Variants in WDCP observed in about 807,000 individuals in gnomAD.
The protein encoded by WDCP is WD repeat and coiled coil containing.
A neutral mutation model predicts 41.6 loss-of-function variants in WDCP; 19 were observed. The ratio of observed to expected loss-of-function variants is 0.46; its 90% CI spans 0.32 to 0.67. WDCP has a LOEUF of 0.67. WDCP is among the 30% of genes least tolerant of loss of function. The probability of loss-of-function intolerance (pLI) is 0.04; values close to 1 mark genes in which losing one functional copy is unlikely to be tolerated. For synonymous variants in WDCP, 302 were observed against 320.8 expected (o/e 0.94, Z 0.63); for missense variants, 802 against 850.7 (o/e 0.94, Z 0.71).
intron 3 of WDCP, among the ~76,000 whole-genome samples, chr2:24,031,770 G>T (rs1329909922): frequency 1.1e-4 from 16 of 151,532 alleles, no homozygotes; most frequent in Middle Eastern, 3.2e-3. Flanking sequence ...AGGTTGCAGT[G>T]AGCCGAGATC....
chr2:24,035,570 G>A (rs1424538326), intron 2 of WDCP, among the ~76,000 whole-genome samples: 1 of 151,824 alleles, frequency 6.6e-6, no homozygotes, highest in Non-Finnish European at 1.5e-5. Context: ...GTCATAGTAG[G>A]AAAGAAATCC....
At chr2:24,044,767 T>C (rs1238976654) in intron 1 of WDCP, among the ~76,000 whole-genome samples, 2 of 149,210 alleles carry the variant, frequency 1.3e-5, no homozygotes, top group African/African-American at 5.0e-5. Context: ...TACCAGTCTC[T>C]ACTTTCCAAA....
At chr2:24,040,189 T>C (rs1663384921) in intron 1 of WDCP, among the ~76,000 whole-genome samples, 2 of 152,162 alleles carry the variant, frequency 1.3e-5, no homozygotes, top group Admixed American at 6.6e-5. Context: ...TTGAAGCACT[T>C]GGGGTAAAAT....
chr2:24,029,737 G>T lies in WDCP; in HGVS notation c.*1196C>A, dbSNP rs1285471330. The T allele has an allele frequency of 6.6e-6, 1 of 152,216 alleles. No homozygotes were observed. The highest frequency in any genetic ancestry group is 2.4e-5 in the African/African-American group (1 of 41,454). The allele number at this position is 152,216 out of a possible 1,614,324, so 9.4% of individuals were successfully genotyped here. Reference sequence around the variant, plus strand: ...TCCAGATGATTTTAAAGGAAGGGGGGAAAAGGAAGCATATGTGCTAATGGA... The same window carrying T: ...TCCAGATGATTTTAAAGGAAGGGGGTAAAAGGAAGCATATGTGCTAATGGA... On this transcript the variant is annotated 3_prime_UTR_variant, in exon 4 of 4. Transcript: ENST00000295148.
At chr2:24,033,046 A>G in intron 2 of WDCP, 100 bp from the exon 3 acceptor site, 1 of 782,202 alleles carries the variant, frequency 1.3e-6, no homozygotes, top group South Asian at 1.5e-5. Context: ...AAAAATTCTT[A>G]TCTATTACCA....
At position 24,030,767 on chromosome 2, in the gene WDCP, C is replaced by G. The variant is rs926141760; in HGVS notation, c.*166G>C. The G allele has an allele frequency of 2.5e-5, 15 of 611,724 alleles. No individual in the cohort carries two copies. The highest frequency in any genetic ancestry group is 4.4e-5 in the Non-Finnish European group (15 of 339,182). 37.9% of individuals were successfully genotyped at this position (611,724 alleles called of 1,614,324 possible). On this transcript the variant is annotated 3_prime_UTR_variant, in exon 4 of 4. Transcript: ENST00000295148. ...ATAAAGACTGAGCTCTGCTACACAG[C>G]AGCGAGCCTCAGCTCAGGGGAAACA... is the stretch of plus-strand genomic sequence containing the variant.
rs1377927137 is a variant in WDCP, at chr2:24,032,824, C to A, written c.1936+5G>T. The A allele has an allele frequency of 6.4e-7, 1 of 1,552,814 alleles. No homozygotes were observed. Among genetic ancestry groups the A allele is most frequent in the Admixed American group, 1.7e-5 (1 of 59,822 alleles). On this transcript the variant is annotated splice_donor_5th_base_variant and intron_variant, in intron 3 of 3. Transcript: ENST00000295148. ...AGCTAGGGTCAATTTCTGAGCACGACCTACCATGTAGCATTTCAATGAGAG... is the reference window on the plus strand; with the variant it reads ...AGCTAGGGTCAATTTCTGAGCACGAACTACCATGTAGCATTTCAATGAGAG...
chr2:24,033,576 A>T (rs1298210020), intron 2 of WDCP, among the ~76,000 whole-genome samples: 1 of 150,248 alleles, frequency 6.7e-6, no homozygotes, highest in Non-Finnish European at 1.5e-5. Context: ...CCCTGTCTTT[A>T]CAAAAAATAA....
chr2:24,037,711 G>A lies in WDCP; in HGVS notation c.1784C>T (p.Ser595Phe). Residue 595 changes from serine (S) to phenylalanine (F), a missense_variant, in exon 2 of 4, where the codon TCT (serine) becomes TTT (phenylalanine). Transcript: ENST00000295148. ...GKKSSSVYPL[S>F]QDLPYVHIIY... ...GATGTGAACATAAGGAAGATCTTGAGAGAGTGGATACACTGAAGAGGATTT... is the reference window on the plus strand; with the variant it reads ...GATGTGAACATAAGGAAGATCTTGAAAGAGTGGATACACTGAAGAGGATTT... The A allele has an allele frequency of 1.9e-6, 3 of 1,613,642 alleles. No homozygotes were observed. Among genetic ancestry groups the A allele is most frequent in the Non-Finnish European group, 2.5e-6 (3 of 1,179,874 alleles).
intron 2 of WDCP, among the ~76,000 whole-genome samples, chr2:24,036,949 T>G (rs1311598438): frequency 6.6e-6 from 1 of 152,236 alleles, no homozygotes; most frequent in African/African-American, 2.4e-5. Flanking sequence ...GATAAAAACA[T>G]GTATAATATG....
At chr2:24,036,662 A>G (rs1314054277) in intron 2 of WDCP, among the ~76,000 whole-genome samples, 1 of 152,242 alleles carries the variant, frequency 6.6e-6, no homozygotes, top group Non-Finnish European at 1.5e-5. Context: ...TGGAGTAGCT[A>G]AAAACTAAAA....
chr2:24,041,021 A>G (rs1476517023), intron 1 of WDCP, among the ~76,000 whole-genome samples: 1 of 151,776 alleles, frequency 6.6e-6, no homozygotes, highest in Non-Finnish European at 1.5e-5. Context: ...CACCTCAAAA[A>G]AGAAACAACA....
At position 24,033,600 on chromosome 2, in the gene WDCP, G is replaced by A. The variant is rs187694137; in HGVS notation, c.1819-654C>T. 7.0e-3 allele frequency among the ~76,000 whole-genome samples: 1,064 copies of A among 151,540 alleles called. 9 individuals carry two copies. The highest frequency in any genetic ancestry group is 0.025 in the African/African-American group (1,028 of 41,254). Reference sequence around the variant, plus strand: ...TACAAAAAATAAAAAAGTTAGCCAGGCATGGTGGTACACACTTGTAGTCCC... The same window carrying A: ...TACAAAAAATAAAAAAGTTAGCCAGACATGGTGGTACACACTTGTAGTCCC... On this transcript the variant is annotated intron_variant, in intron 2 of 3. Coordinates refer to ENST00000295148, the MANE Select transcript of WDCP (RefSeq NM_025203.3).
rs554792551 is a variant in WDCP, at chr2:24,031,232, A to T, written c.1937-70T>A. 2.4e-4 allele frequency: 290 copies of T among 1,199,334 alleles called. 1 individual carries two copies. In the African/African-American group the frequency reaches 3.7e-3, roughly 15 times the overall value. The allele number at this position is 1,199,334 out of a possible 1,614,324, so 74.3% of individuals were successfully genotyped here. On this transcript the variant is annotated intron_variant, in intron 3 of 3. Transcript: ENST00000295148. ...CTTATGATGAAACATATGACTACAA[A>T]TTTTTTTTTCTGAGTGAAGGAATAT...
Position 24,031,100 on chromosome 2 carries a change from T to G in WDCP, c.1999A>C (p.Thr667Pro). 2 of 1,614,240 alleles carry G rather than the reference T, an allele frequency of 1.2e-6. No homozygotes were observed. The highest frequency in any genetic ancestry group is 1.7e-6 in the Non-Finnish European group (2 of 1,180,040). The change falls in exon 4 of 4, where the codon ACA becomes CCA. Residue 667 changes from threonine (T) to proline (P), a missense_variant. By Grantham distance (38) the Thr-to-Pro change is conservative. Around this residue, in one of 5 missense-constraint regions of WDCP, gnomAD observed 321 missense variants for 305.1 expected, o/e 1.05. Coordinates refer to ENST00000295148, the MANE Select transcript of WDCP (RefSeq NM_025203.3). ...EGFIPLTFTA[T>P]QEIIIRDGSL... The stretch of plus-strand genomic sequence containing the variant: ...CCATCTCTTATGATTATTTCCTGTG[T>G]GGCTGTGAAGGTTAACGGGATAAAG...
In WDCP at chr2:24,039,083, T is replaced by C. The variant is rs765448263; in HGVS notation, c.412A>G (p.Ile138Val). 3.5e-5 allele frequency: 56 copies of C among 1,614,062 alleles called. No individual in the cohort carries two copies. In the Admixed American group the frequency reaches 6.8e-4, roughly 20 times the overall value. ...TCATCAGAGTGAACATTAGGGAAAA[T>C]GGAGACATCCTGAGCAGTCAACACA... ...LTVLTAQDVS[I>V]FPNVHSDDSQ... Residue 138 changes from isoleucine (I) to valine (V), a missense_variant, in exon 2 of 4, where the codon ATT (isoleucine) becomes GTT (valine). By Grantham distance (29) the Ile-to-Val change is conservative (BLOSUM62 3). Around this residue, in one of 5 missense-constraint regions of WDCP, gnomAD observed 214 missense variants for 252.9 expected, o/e 0.85. Coordinates refer to ENST00000295148, the MANE Select transcript of WDCP (RefSeq NM_025203.3).
At chr2:24,032,459 G>A (rs1334201717) in intron 3 of WDCP, among the ~76,000 whole-genome samples, 3 of 152,140 alleles carry the variant, frequency 2.0e-5, no homozygotes, top group African/African-American at 4.8e-5. Flanking sequence ...CTGAGACTGC[G>A]CCACTGTACT....
At chr2:24,042,519 G>C (rs1295287959) in intron 1 of WDCP, among the ~76,000 whole-genome samples, 1 of 130,954 alleles carries the variant, frequency 7.6e-6, no homozygotes, top group Non-Finnish European at 1.6e-5. Flanking sequence ...CTGGGTGACA[G>C]AGCAATACTC....
intron 1 of WDCP, among the ~76,000 whole-genome samples, chr2:24,040,970 C>T (rs562856600): frequency 4.0e-4 from 61 of 151,690 alleles, no homozygotes; most frequent in African/African-American, 1.3e-3. Context: ...GAGCTGAGAT[C>T]GTGCCATTGC....
Sources: gnomAD v4.1 joint callset for allele counts (sites outside exome capture counted in the v4.1 genomes callset) on GRCh38, gnomAD v4.1.1 for gene constraint, gnomAD v4.1.1 regional missense constraint, MANE v1.5 for transcripts, NCBI Gene and HGNC (gene_info 2026-07-23, HGNC 2026-07-21) for gene names.